Variants in CNTNAP3 observed in about 807,000 individuals in gnomAD.
CNTNAP3 encodes the protein contactin-associated protein-like 3.
CNTNAP3 carries 36 observed loss-of-function variants against 92.1 expected under a neutral mutation model. The observed-to-expected ratio is 0.39, with a 90% CI of 0.30 to 0.52. The LOEUF (loss-of-function observed/expected upper bound fraction) is 0.52. Ranked by LOEUF, CNTNAP3 falls within the 20% of genes least tolerant of loss-of-function variation. CNTNAP3 has a pLI of 0.76. For missense variants in CNTNAP3, 534 were observed against 1,069.6 expected, an observed-to-expected ratio of 0.50 and a Z score of 6.98; for synonymous variants, 232 against 422.3, an observed-to-expected ratio of 0.55 and a Z score of 5.53.
chr9:39,093,669 G>T (rs1273091291), intron 18 of CNTNAP3, among the ~76,000 whole-genome samples: 2 of 151,392 alleles, frequency 1.3e-5, no homozygotes, highest in African/African-American at 4.8e-5. Context: ...TGTCTTCTAT[G>T]TCAATTAATG....
Position 39,070,350 on chromosome 9 carries a change from G to C in CNTNAP3, c.*3540C>G, listed in dbSNP as rs1825611543. On this transcript the variant is annotated 3_prime_UTR_variant, in exon 24 of 24. Coordinates refer to ENST00000297668, the MANE Select transcript of CNTNAP3 (RefSeq NM_033655.5). ...CAGCCATAAAAGAGAATGAGATCCT[G>C]TCACTTGCGACAGCATGGATGGAAC... 7.6e-6 allele frequency among the ~76,000 whole-genome samples: 1 copy of C among 131,032 alleles called. No homozygotes were observed. The allele number at this position is 131,032 out of a possible 152,430, so 86.0% of individuals were successfully genotyped here.
intron 18 of CNTNAP3, among the ~76,000 whole-genome samples, chr9:39,093,368 G>A (rs926768301): frequency 6.9e-6 from 1 of 144,534 alleles, no homozygotes; most frequent in African/African-American, 2.5e-5. Flanking sequence ...ACTATACTTT[G>A]GGGTAAAATA....
At chr9:39,100,691 A>T (rs72721582) in intron 17 of CNTNAP3, among the ~76,000 whole-genome samples, 35,069 of 151,862 alleles carry the variant, frequency 0.23, 4,362 homozygotes, top group East Asian at 0.38. Context: ...AAGGGGTGAC[A>T]CCGTACCCCA....
At chr9:39,132,149 G>A (rs1240436624) in intron 13 of CNTNAP3, among the ~76,000 whole-genome samples, 1 of 151,750 alleles carries the variant, frequency 6.6e-6, no homozygotes. Flanking sequence ...ATACTATTTG[G>A]GATTGCTAAA....
chr9:39,136,369 G>T (rs1821436538), intron 12 of CNTNAP3, among the ~76,000 whole-genome samples: 1 of 152,026 alleles, frequency 6.6e-6, no homozygotes, highest in African/African-American at 2.4e-5. Flanking sequence ...CTGTTCTGTT[G>T]TCAGGAGCAT....
rs987206428 is a variant in CNTNAP3, at chr9:39,094,484, T to C, written c.2995+5427A>G. On this transcript the variant is annotated intron_variant, in intron 18 of 23. Coordinates refer to ENST00000297668, the MANE Select transcript of CNTNAP3 (RefSeq NM_033655.5). Reference sequence around the variant, plus strand: ...GCCTATATATCTTCTAAAAATTTTATAGTTTTATCTTTTAGATTTAAAACT... The same window carrying C: ...GCCTATATATCTTCTAAAAATTTTACAGTTTTATCTTTTAGATTTAAAACT... Among the ~76,000 whole-genome samples the C allele has an allele frequency of 5.9e-5, 9 of 151,700 alleles. 1 individual carries two copies. The highest frequency in any genetic ancestry group is 2.2e-4 in the African/African-American group (9 of 41,422).
At chr9:39,081,986 C>T (rs1185812826) in intron 21 of CNTNAP3, among the ~76,000 whole-genome samples, 1 of 151,186 alleles carries the variant, frequency 6.6e-6, no homozygotes, top group African/African-American at 2.4e-5. Flanking sequence ...ACTTGGGAGG[C>T]TGAGGCAGGA....
chr9:39,147,266 T>TTTG (rs1821725821), intron 10 of CNTNAP3, among the ~76,000 whole-genome samples: 1 of 149,604 alleles, frequency 6.7e-6, no homozygotes, highest in Non-Finnish European at 1.5e-5. Context: ...ACAATTAGAT[T>TTTG]TTTGTTTGTT....
intron 12 of CNTNAP3, among the ~76,000 whole-genome samples, chr9:39,139,466 T>A (rs1378371249): frequency 1.3e-5 from 2 of 152,252 alleles, no homozygotes; most frequent in African/African-American, 4.8e-5. Flanking sequence ...AAAGTTTTAC[T>A]ACTTTTTGGC....
chr9:39,119,515 C>T (rs1215683761), intron 13 of CNTNAP3, among the ~76,000 whole-genome samples: 2 of 152,108 alleles, frequency 1.3e-5, no homozygotes, highest in African/African-American at 2.4e-5. Flanking sequence ...ACCGACTTCA[C>T]CATTAAACTG....
chr9:39,141,086 G>A (rs1821564181), intron 11 of CNTNAP3, among the ~76,000 whole-genome samples: 2 of 152,174 alleles, frequency 1.3e-5, no homozygotes, highest in South Asian at 4.1e-4. Flanking sequence ...TGCAAACTCT[G>A]AAGCACAGTG....
chr9:39,120,801 C>G (rs1242092944), intron 13 of CNTNAP3, among the ~76,000 whole-genome samples: 1 of 152,018 alleles, frequency 6.6e-6, no homozygotes, highest in East Asian at 1.9e-4. Context: ...ACAAAGGATT[C>G]TTGGAACATC....
intron 19 of CNTNAP3, among the ~76,000 whole-genome samples, chr9:39,087,497 G>A (rs528043425): frequency 6.8e-6 from 1 of 146,086 alleles, no homozygotes; most frequent in South Asian, 2.2e-4. Flanking sequence ...TTTTTTGTTT[G>A]TTTGTTTGAG....
chr9:39,100,475 C>T (rs1260924420), intron 17 of CNTNAP3, among the ~76,000 whole-genome samples: 4 of 152,184 alleles, frequency 2.6e-5, no homozygotes, highest in Non-Finnish European at 5.9e-5. Context: ...ACATCAAACA[C>T]TATTCTACTT....
At position 39,082,086 on chromosome 9, in the gene CNTNAP3, CA is replaced by C. The variant is rs34730493; in HGVS notation, c.3443-3167del. 3.6e-4 allele frequency among the ~76,000 whole-genome samples: 37 copies of C among 102,264 alleles called. 1 individual carries two copies. The highest frequency in any genetic ancestry group is 9.4e-4 in the East Asian group (3 of 3,194). 67.1% of individuals were successfully genotyped at this position (102,264 alleles called of 152,430 possible). On this transcript the variant is annotated intron_variant, in intron 21 of 23. Transcript: ENST00000297668. ...TGGATGACAGAGTGAAACTCGATCT[CA>C]AAAAAAAAAAACAAAGAAACTCAAA...
At chr9:39,083,531 T>C (rs2210427) in intron 21 of CNTNAP3, among the ~76,000 whole-genome samples, 33,773 of 151,138 alleles carry the variant, frequency 0.22, 3,985 homozygotes, top group East Asian at 0.36. Flanking sequence ...TGGTGGTACA[T>C]GCCTGTAATC....
At chr9:39,104,521 CTG>C (rs951303962) in intron 15 of CNTNAP3, among the ~76,000 whole-genome samples, 7 of 149,662 alleles carry the variant, frequency 4.7e-5, no homozygotes, top group African/African-American at 1.7e-4. Flanking sequence ...CACACACACA[CTG>C]TCTTAATTCC....
intron 18 of CNTNAP3, among the ~76,000 whole-genome samples, chr9:39,091,132 T>G (rs1826186346): frequency 1.3e-5 from 2 of 152,044 alleles, no homozygotes; most frequent in South Asian, 2.1e-4. Flanking sequence ...CAAATAGAGA[T>G]AGTTTTATTT....
Position 39,068,017 on chromosome 9 carries a change from T to C in CNTNAP3, c.*5873A>G. ...CAGAAATTAGTTTTTTTGGGGGGGATGGGAGAAGTGAAGAGAAGAAAAATA... is the reference window on the plus strand; with the variant it reads ...CAGAAATTAGTTTTTTTGGGGGGGACGGGAGAAGTGAAGAGAAGAAAAATA... On this transcript the variant is annotated 3_prime_UTR_variant, in exon 24 of 24. Coordinates refer to ENST00000297668, the MANE Select transcript of CNTNAP3 (RefSeq NM_033655.5). 6.6e-6 allele frequency among the ~76,000 whole-genome samples: 1 copy of C among 152,310 alleles called. No individual in the cohort carries two copies.
Sources: gnomAD v4.1 joint callset for allele counts (sites outside exome capture counted in the v4.1 genomes callset) on GRCh38, gnomAD v4.1.1 for gene constraint, MANE v1.5 for transcripts, NCBI Gene and HGNC (gene_info 2026-07-23, HGNC 2026-07-21) for gene names.